DIAPH2: variants seen among roughly 807,000 people sequenced by gnomAD.
DIAPH2 encodes the protein diaphanous related formin 2.
A neutral mutation model predicts 92.7 loss-of-function variants in DIAPH2; 35 were observed. The observed-to-expected ratio is 0.38, with a 90% CI of 0.29 to 0.50. The LOEUF is 0.50. Among genes scored for constraint, DIAPH2 ranks in the 20% least tolerant of loss-of-function variants. The pLI is 0.94. For missense variants in DIAPH2, 701 were observed against 819.5 expected, an observed-to-expected ratio of 0.86 and a Z score of 1.77; for synonymous variants, 301 against 280.4, an observed-to-expected ratio of 1.07 and a Z score of -0.73.
At chrX:96,846,229 C>T (rs1348111450) in intron 4 of DIAPH2, among the ~76,000 whole-genome samples, 1 of 109,413 alleles carries the variant, frequency 9.1e-6, no homozygotes, top group Non-Finnish European at 1.9e-5. Context: ...CTCACTGCAA[C>T]CTCCGCCTTC....
At chrX:97,019,132 T>C (rs2066280216) in intron 17 of DIAPH2, among the ~76,000 whole-genome samples, 1 of 112,098 alleles carries the variant, frequency 8.9e-6, no homozygotes, top group Admixed American at 9.5e-5. Flanking sequence ...TCTTGGTTGC[T>C]TCTAAGTTTT....
intron 16 of DIAPH2, among the ~76,000 whole-genome samples, chrX:96,964,165 TAGAC>T (rs2065880914): frequency 9.1e-6 from 1 of 110,429 alleles, no homozygotes; most frequent in Admixed American, 9.6e-5. Context: ...TTTACAGTAT[TAGAC>T]AGCATCTATG....
intron 25 of DIAPH2, among the ~76,000 whole-genome samples, chrX:97,427,796 C>T (rs1418221582): frequency 9.0e-6 from 1 of 110,648 alleles, no homozygotes; most frequent in Non-Finnish European, 1.9e-5. Context: ...AAGTGATTCT[C>T]CTGCCTCAGC....
At chrX:97,036,202 T>C (rs935576660) in intron 17 of DIAPH2, among the ~76,000 whole-genome samples, 9 of 111,873 alleles carry the variant, frequency 8.0e-5, no homozygotes, top group Non-Finnish European at 1.5e-4. Context: ...TTTTTGCCAC[T>C]GCCCTTCAAA....
At chrX:96,920,049 T>A (rs1440074774) in intron 9 of DIAPH2, among the ~76,000 whole-genome samples, 1 of 109,972 alleles carries the variant, frequency 9.1e-6, no homozygotes, top group African/African-American at 3.3e-5. Flanking sequence ...CCTGGCTAAT[T>A]TTTTTATTTT....
intron 17 of DIAPH2, among the ~76,000 whole-genome samples, chrX:97,035,406 T>C (rs1191863832): frequency 8.9e-6 from 1 of 112,045 alleles, no homozygotes; most frequent in Non-Finnish European, 1.9e-5. Context: ...AAAAAAGAAA[T>C]TGCATATCAT....
At chrX:96,855,036 A>G (rs1446447532) in intron 4 of DIAPH2, among the ~76,000 whole-genome samples, 1 of 110,631 alleles carries the variant, frequency 9.0e-6, no homozygotes, top group African/African-American at 3.3e-5. Context: ...TTAACTCTAA[A>G]ATTATGAATC....
At chrX:96,754,307 T>C (rs1332495396) in intron 3 of DIAPH2, among the ~76,000 whole-genome samples, 1 of 112,132 alleles carries the variant, frequency 8.9e-6, no homozygotes, top group African/African-American at 3.2e-5. Context: ...GGACCATAAA[T>C]TATTTATTCA....
chrX:97,051,387 A>G (rs1029553201), intron 17 of DIAPH2, among the ~76,000 whole-genome samples: 1 of 110,563 alleles, frequency 9.0e-6, no homozygotes, highest in African/African-American at 3.3e-5. Context: ...AGATGCTTCC[A>G]GAATCTGGAA....
intron 4 of DIAPH2, among the ~76,000 whole-genome samples, chrX:96,851,743 C>A (rs957978519): frequency 8.9e-6 from 1 of 111,813 alleles, no homozygotes; most frequent in Non-Finnish European, 1.9e-5. Flanking sequence ...CCGCAGAGGG[C>A]TGACTGTATT....
chrX:97,112,791 T>TTG (rs2066991050), intron 20 of DIAPH2, among the ~76,000 whole-genome samples: 1 of 81,947 alleles, frequency 1.2e-5, no homozygotes, highest in African/African-American at 4.9e-5. Context: ...TTTTTTTTTT[T>TTG]TTTTGAGACA....
At chrX:97,235,676 T>C (rs1338464667) in intron 22 of DIAPH2, among the ~76,000 whole-genome samples, 4 of 108,633 alleles carry the variant, frequency 3.7e-5, no homozygotes, top group African/African-American at 1.3e-4. Flanking sequence ...GCTTTCTCAC[T>C]ACACTTAAGG....
intron 17 of DIAPH2, among the ~76,000 whole-genome samples, chrX:96,998,950 C>T (rs1303868578): frequency 5.4e-5 from 6 of 111,883 alleles, no homozygotes; most frequent in South Asian, 3.8e-4. Context: ...AGATGGTATT[C>T]GTTGTAATCG....
intron 5 of DIAPH2, among the ~76,000 whole-genome samples, chrX:96,892,598 T>A (rs949130599): frequency 1.8e-5 from 2 of 111,849 alleles, no homozygotes; most frequent in African/African-American, 3.2e-5. Flanking sequence ...AACATAATTC[T>A]GACTTCGGCA....
At chrX:97,259,389 G>A (rs1489175991) in intron 23 of DIAPH2, among the ~76,000 whole-genome samples, 1 of 111,922 alleles carries the variant, frequency 8.9e-6, no homozygotes, top group Non-Finnish European at 1.9e-5. Context: ...TGGAAGTAGT[G>A]AGAGCTGTTA....
At chrX:97,496,168 CTTTTTTTTTTTT>C (rs10632820) in intron 26 of DIAPH2, among the ~76,000 whole-genome samples, 1 of 54,090 alleles carries the variant, frequency 1.8e-5, no homozygotes, top group Non-Finnish European at 3.1e-5. Flanking sequence ...GAATTGGTAC[CTTTTTTTTTTTT>C]TTTTTTTTTT....
At chrX:96,990,152 C>A (rs1462963713) in intron 17 of DIAPH2, among the ~76,000 whole-genome samples, 1 of 112,195 alleles carries the variant, frequency 8.9e-6, no homozygotes. Flanking sequence ...CAACCTCACC[C>A]TAGAGAAAGT....
intron 25 of DIAPH2, among the ~76,000 whole-genome samples, chrX:97,425,016 A>G (rs1006606623): frequency 3.6e-5 from 4 of 112,430 alleles, no homozygotes; most frequent in African/African-American, 1.3e-4. Flanking sequence ...CAATATCTAT[A>G]ATGTTATACA....
chrX:97,397,211 A>G (rs555131228), intron 25 of DIAPH2, among the ~76,000 whole-genome samples: 35 of 112,049 alleles, frequency 3.1e-4, no homozygotes, highest in African/African-American at 1.1e-3. Context: ...AGTAGGTTTC[A>G]TATGCTATTT....
Sources: gnomAD v4.1 joint callset for allele counts (sites outside exome capture counted in the v4.1 genomes callset) on GRCh38, gnomAD v4.1.1 for gene constraint, MANE v1.5 for transcripts, NCBI Gene and HGNC (gene_info 2026-07-23, HGNC 2026-07-21) for gene names.